The following CFAP61 variants were observed in gnomAD, a reference collection of about 807,000 sequenced individuals.
CFAP61 encodes cilia- and flagella-associated protein 61.
Under a neutral mutation model 135.6 loss-of-function variants are expected in CFAP61, and 107 were observed. That is an observed-to-expected ratio of 0.79 (90% CI 0.67 to 0.93). The LOEUF (loss-of-function observed/expected upper bound fraction) is 0.93. Among genes scored for constraint, CFAP61 ranks in the 40% least tolerant of loss-of-function variants. The probability of loss-of-function intolerance (pLI) is 0.00; values close to 1 mark genes in which losing one functional copy is unlikely to be tolerated. For synonymous variants in CFAP61, 575 were observed against 578.5 expected (o/e 0.99, Z 0.09); for missense variants, 1,507 against 1,556.2 (o/e 0.97, Z 0.53).
chr20:20,056,617 G>A lies in CFAP61; in HGVS notation c.-36-1G>A, dbSNP rs750494963. On this transcript the variant is annotated splice_acceptor_variant, in intron 1 of 26. Coordinates refer to ENST00000245957, the MANE Select transcript of CFAP61 (RefSeq NM_015585.4). LOFTEE classifies it low-confidence loss of function (5UTR_SPLICE). Reference sequence around the variant, plus strand: ...ACTGGCTTATCATATCAGATTAATAGTGGACTTTTTTCTCTCTTTTGGGGA... The same window carrying A: ...ACTGGCTTATCATATCAGATTAATAATGGACTTTTTTCTCTCTTTTGGGGA... 2.2e-5 allele frequency: 36 copies of A among 1,606,982 alleles called. No homozygotes were observed. In the South Asian group the frequency reaches 3.3e-4, roughly 15 times the overall value.
intron 6 of CFAP61, among the ~76,000 whole-genome samples, chr20:20,082,177 A>AT (rs2046477533): frequency 6.6e-6 from 1 of 152,108 alleles, no homozygotes; most frequent in African/African-American, 2.4e-5. Context: ...CCTCACATGT[A>AT]TTTTTTGACA....
At chr20:20,232,751 C>A (rs909033715) in intron 18 of CFAP61, 1 of 152,162 alleles carries the variant, frequency 6.6e-6, no homozygotes, top group African/African-American at 2.4e-5. Flanking sequence ...TTAATCCCGA[C>A]GTAAAGAATC....
intron 9 of CFAP61, among the ~76,000 whole-genome samples, chr20:20,148,281 C>T (rs1041685032): frequency 2.1e-4 from 32 of 152,124 alleles, no homozygotes; most frequent in African/African-American, 7.7e-4. Context: ...TTTTCTAGTT[C>T]TGTGAAGAAT....
chr20:20,344,335 C>G (rs914121170), intron 26 of CFAP61, among the ~76,000 whole-genome samples: 1 of 152,274 alleles, frequency 6.6e-6, no homozygotes, highest in South Asian at 2.1e-4. Context: ...TGGAGAAGGG[C>G]TGCTGTGGAA....
chr20:20,196,366 G>T (rs935378997), intron 15 of CFAP61, among the ~76,000 whole-genome samples: 5 of 152,158 alleles, frequency 3.3e-5, no homozygotes, highest in African/African-American at 1.2e-4. Flanking sequence ...ATCCCCCAAA[G>T]ACAATCCATC....
chr20:20,197,985 A>G (rs1416703156), intron 16 of CFAP61, among the ~76,000 whole-genome samples: 2 of 152,262 alleles, frequency 1.3e-5, no homozygotes, highest in African/African-American at 4.8e-5. Flanking sequence ...ACACATAACA[A>G]TAATTTTGCC....
At chr20:20,227,239 C>T (rs1032691366) in intron 17 of CFAP61, among the ~76,000 whole-genome samples, 4 of 152,200 alleles carry the variant, frequency 2.6e-5, no homozygotes, top group African/African-American at 9.6e-5. Flanking sequence ...CAGGTTTGAC[C>T]TATCAGAATG....
intron 26 of CFAP61, 100 bp downstream of exon 26, chr20:20,342,021 T>A: frequency 1.3e-6 from 1 of 760,008 alleles, no homozygotes; most frequent in Non-Finnish European, 2.1e-6. Context: ...CATTTTATGG[T>A]TTTACTTTTT....
intron 2 of CFAP61, among the ~76,000 whole-genome samples, chr20:20,067,776 TTA>T (rs555922306): frequency 9.1e-5 from 6 of 65,936 alleles, no homozygotes; most frequent in Non-Finnish European, 1.5e-4. Flanking sequence ...TATGTATTTA[TTA>T]TATATATATA....
Position 20,298,230 on chromosome 20 carries a change from T to C in CFAP61, c.3266T>C (p.Ile1089Thr). The C allele has an allele frequency of 3.7e-6, 6 of 1,614,182 alleles. No homozygotes were observed. The highest frequency in any genetic ancestry group is 3.4e-6 in the Non-Finnish European group (4 of 1,180,020). Residue 1089 changes from isoleucine to threonine, a missense_variant, in exon 25 of 27, where the codon ATT becomes ACT. By Grantham distance (89) the Ile-to-Thr change is moderately conservative. Transcript: ENST00000245957. ...GCGAAAAATGGGACTTACTTCCGAATTCATATTAACAAGTATAAAATGGTG... is the reference window on the plus strand; with the variant it reads ...GCGAAAAATGGGACTTACTTCCGAACTCATATTAACAAGTATAAAATGGTG... The part of the protein sequence containing the change: ...GSAKNGTYFR[I>T]HINKYKMVET...
rs143057607 is a variant in CFAP61, at chr20:20,234,352, G to T, written c.2060+5976G>T. Among the ~76,000 whole-genome samples the T allele has an allele frequency of 1.6e-3, 251 of 152,192 alleles. 1 individual carries two copies. Among genetic ancestry groups the T allele is most frequent in the Non-Finnish European group, 3.0e-3 (207 of 67,990 alleles). ...AGCACTATCTCTGGAGTGCCCTTAT[G>T]GTCCCTTAGTTTGCTTAGTTTGTTC... On this transcript the variant is annotated intron_variant, in intron 18 of 26. Transcript: ENST00000245957.
At chr20:20,275,320 C>G (rs1281969241) in intron 21 of CFAP61, among the ~76,000 whole-genome samples, 1 of 152,160 alleles carries the variant, frequency 6.6e-6, no homozygotes, top group Non-Finnish European at 1.5e-5. Flanking sequence ...GTTTGCTATG[C>G]AGCATTATTA....
intron 25 of CFAP61, among the ~76,000 whole-genome samples, chr20:20,303,025 A>G (rs925291453): frequency 6.6e-6 from 1 of 152,254 alleles, no homozygotes; most frequent in Non-Finnish European, 1.5e-5. Flanking sequence ...CTTATTTTAA[A>G]TAATGAAAAC....
Position 20,196,701 on chromosome 20 carries a change from T to C in CFAP61, c.1722T>C (p.Phe574=). The change falls in exon 16 of 27, where the codon TTT becomes TTC. Residue 574 remains phenylalanine (F), a synonymous_variant. Coordinates refer to ENST00000245957, the MANE Select transcript of CFAP61 (RefSeq NM_015585.4). The part of the protein sequence containing the change: ...NPIFRHYTKF[F]LKEILRLGFK... ...TTTTCCGGCACTACACCAAGTTCTT[T>C]CTGAAGGAGATCCTGCGTTTAGGCT... 1 of 1,614,166 alleles carries C rather than the reference T, an allele frequency of 6.2e-7. No individual in the cohort carries two copies. The highest frequency in any genetic ancestry group is 1.1e-5 in the South Asian group (1 of 91,078).
At chr20:20,169,488 A>G (rs768536158) in intron 13 of CFAP61, 28 bp downstream of exon 13, 14 of 1,548,524 alleles carry the variant, frequency 9.0e-6, no homozygotes, top group Admixed American at 1.7e-5. Flanking sequence ...TGGCCACACA[A>G]CAATCCATGA....
At chr20:20,244,109 G>A (rs528525596) in intron 18 of CFAP61, among the ~76,000 whole-genome samples, 8 of 152,208 alleles carry the variant, frequency 5.3e-5, no homozygotes, top group Non-Finnish European at 1.0e-4. Context: ...CCTCCTGGCT[G>A]TTTTCATGGG....
At position 20,075,608 on chromosome 20, in the gene CFAP61, A is replaced by C. The variant is rs747693356; in HGVS notation, c.559A>C (p.Lys187Gln). ...CCACTATCCTCAGCTGCACGTTCGC[A>C]AAGCCAGGTACAGTTGGAGTCATGC... ...HSHYPQLHVR[K>Q]ARVEDHDDLM... The change falls in exon 6 of 27, where the codon AAA (lysine) becomes CAA (glutamine). Residue 187 changes from lysine to glutamine, a missense_variant. Coordinates refer to ENST00000245957, the MANE Select transcript of CFAP61 (RefSeq NM_015585.4). 9.9e-6 allele frequency: 16 copies of C among 1,614,026 alleles called. No homozygotes were observed. The African/African-American group carries it at 1.9e-4, about 19-fold the overall frequency.
intron 6 of CFAP61, among the ~76,000 whole-genome samples, chr20:20,090,191 C>T (rs1055462392): frequency 6.6e-6 from 1 of 152,126 alleles, no homozygotes; most frequent in African/African-American, 2.4e-5. Context: ...AACTGTGTTC[C>T]CTCTGCCTGC....
At chr20:20,296,506 CCCTT>C (rs1043819457) in intron 24 of CFAP61, among the ~76,000 whole-genome samples, 207 of 148,272 alleles carry the variant, frequency 1.4e-3, no homozygotes, top group African/African-American at 4.1e-3. Context: ...CTTCTTTACT[CCCTT>C]CCTTCCTTCC....
Sources: allele counts gnomAD v4.1 joint callset (sites outside exome capture counted in the v4.1 genomes callset), GRCh38; gene constraint gnomAD v4.1.1; transcripts MANE v1.5; gene names NCBI Gene and HGNC (gene_info 2026-07-23, HGNC 2026-07-21).